The following MLLT10 variants were observed in gnomAD, a reference collection of about 807,000 sequenced individuals.
MLLT10 encodes the protein protein AF-10.
Under a neutral mutation model 129.1 loss-of-function variants are expected in MLLT10, and 30 were observed. That is an observed-to-expected ratio of 0.23 (90% CI 0.17 to 0.32). The LOEUF is 0.32. Ranked by LOEUF, MLLT10 falls within the 10% of genes least tolerant of loss-of-function variation. MLLT10 has a pLI of 1.00. For missense variants in MLLT10, 1,119 were observed against 1,268.3 expected (o/e 0.88, Z 1.79); for synonymous variants, 490 against 446.4 (o/e 1.10, Z -1.23).
At chr10:21,666,787 G>A (rs1157056674) in intron 9 of MLLT10, among the ~76,000 whole-genome samples, 1 of 152,006 alleles carries the variant, frequency 6.6e-6, no homozygotes, top group Non-Finnish European at 1.5e-5. Flanking sequence ...TCAGTCAACT[G>A]CGGTCTGAAA....
rs748186874 is a variant in MLLT10 at position 21,673,390 on chromosome 10, T to C, written c.1092T>C (p.Ser364=). 2 of 1,532,444 alleles carry C rather than the reference T, an allele frequency of 1.3e-6. No individual in the cohort carries two copies. The highest frequency in any genetic ancestry group is 1.8e-6 in the Non-Finnish European group (2 of 1,136,624). The allele number at this position is 1,532,444 out of a possible 1,614,324, so 94.9% of individuals were successfully genotyped here. A position where few individuals can be genotyped will look rare whatever the true frequency, so the allele number is the denominator to read the frequency against. Residue 364 remains serine, a synonymous_variant, in exon 11 of 23, where the codon TCT becomes TCC. Transcript: ENST00000307729. ...CTCCAGGCAGTGTAAAGTCATCTTC[T>C]GGAAGTTCAGTGCAGTCTCCCCAGG... The part of the protein sequence containing the change: ...SGTPGSVKSS[S]GSSVQSPQDF...
In MLLT10 at chr10:21,734,070, C is replaced by T. The variant is rs2058157050; in HGVS notation, c.2799C>T (p.Leu933=). ...CAATGTCCCAGAACCCTACCCCTCT[C>T]ACCCACACAACCGTACCACCTAATG... ...PVTMSQNPTP[L]THTTVPPNAT... is the part of the protein sequence containing the mutation. Residue 933 remains leucine (L), a synonymous_variant, in exon 20 of 23, where the codon CTC becomes CTT. Coordinates refer to ENST00000307729, the MANE Select transcript of MLLT10 (RefSeq NM_001195626.3). 6.2e-7 allele frequency: 1 copy of T among 1,613,964 alleles called. No homozygotes were observed. Among genetic ancestry groups the T allele is most frequent in the Non-Finnish European group, 8.5e-7 (1 of 1,179,974 alleles).
At position 21,732,984 on chromosome 10, in the gene MLLT10, G is replaced by C; in HGVS notation, c.2304G>C (p.Lys768Asn). The change falls in exon 18 of 23, where the codon AAG becomes AAC. Residue 768 changes from lysine to asparagine, a missense_variant. Around this residue, in one of 5 missense-constraint regions of MLLT10, gnomAD observed 1,004 missense variants for 1,008.7 expected, o/e 1.00. Coordinates refer to ENST00000307729, the MANE Select transcript of MLLT10 (RefSeq NM_001195626.3). The stretch of plus-strand genomic sequence containing the variant: ...AAATTAAAAACTTGACTGCCAAAAA[G>C]GAACGGCTTCAGTTATTGAATGCAC... ...EEQIKNLTAK[K>N]ERLQLLNAQL... The C allele has an allele frequency of 6.2e-7, 1 of 1,613,996 alleles. No homozygotes were observed. Among genetic ancestry groups the C allele is most frequent in the Non-Finnish European group, 8.5e-7 (1 of 1,179,974 alleles).
At chr10:21,667,660 C>T (rs182515407) in intron 9 of MLLT10, among the ~76,000 whole-genome samples, 27 of 152,044 alleles carry the variant, frequency 1.8e-4, no homozygotes, top group Admixed American at 1.6e-3. Context: ...AATATTTTAA[C>T]CAGCACATTA....
chr10:21,735,262 T>C (rs371511523), intron 21 of MLLT10, 27 bp downstream of exon 21: 4 of 1,501,672 alleles, frequency 2.7e-6, no homozygotes, highest in African/African-American at 2.8e-5. Context: ...GATAATATCT[T>C]ATTAGGAGCA....
At chr10:21,650,944 A>G (rs2048959084) in intron 8 of MLLT10, among the ~76,000 whole-genome samples, 1 of 152,136 alleles carries the variant, frequency 6.6e-6, no homozygotes, top group Non-Finnish European at 1.5e-5. Context: ...ATTCTCATGC[A>G]TGGTAGAGGA....
At chr10:21,670,283 G>T (rs1165380812) in intron 9 of MLLT10, among the ~76,000 whole-genome samples, 166 bp from the exon 10 acceptor site, 1 of 151,724 alleles carries the variant, frequency 6.6e-6, no homozygotes, top group East Asian at 1.9e-4. Context: ...AATTATAATA[G>T]ACTTAAATTG....
Position 21,600,908 on chromosome 10 carries a change from A to G in MLLT10, c.405+5468A>G, listed in dbSNP as rs568225171. 1.2e-3 allele frequency among the ~76,000 whole-genome samples: 178 copies of G among 151,988 alleles called. 1 individual carries two copies. Among genetic ancestry groups the G allele is most frequent in the Non-Finnish European group, 2.1e-3 (140 of 67,966 alleles). On this transcript the variant is annotated intron_variant, in intron 5 of 22. Coordinates refer to ENST00000307729, the MANE Select transcript of MLLT10 (RefSeq NM_001195626.3). ...TCTCAGGAATAGTAAACTATTATTC[A>G]TTATATTTGTTTCTTGTGGTCTCTC...
chr10:21,720,094 T>A (rs1336241615), intron 14 of MLLT10, among the ~76,000 whole-genome samples: 1 of 152,232 alleles, frequency 6.6e-6, no homozygotes, highest in African/African-American at 2.4e-5. Flanking sequence ...ATTTGTTGGT[T>A]AATCTATACA....
Position 21,713,871 on chromosome 10 carries a change from C to A in MLLT10, c.1799C>A (p.Ser600Tyr). 1 of 1,614,078 alleles carries A rather than the reference C, an allele frequency of 6.2e-7. No individual in the cohort carries two copies. Among genetic ancestry groups the A allele is most frequent in the Non-Finnish European group, 8.5e-7 (1 of 1,179,990 alleles). Residue 600 changes from serine to tyrosine, a missense_variant, in exon 14 of 23, where the codon TCT becomes TAT. By Grantham distance (144) the Ser-to-Tyr change is moderately radical. This residue lies in a region of MLLT10 where 1,004 missense variants were observed against 1,008.7 expected (regional missense o/e 1.00). Coordinates refer to ENST00000307729, the MANE Select transcript of MLLT10 (RefSeq NM_001195626.3). Reference protein sequence around the residue: ...PVSSSHLPQQSSGHLQQVGAL... With the variant: ...PVSSSHLPQQYSGHLQQVGAL... ...TCCAGCTCTCACTTACCTCAGCAGT[C>A]TTCTGGGCATTTGCAACAAGTAGGA...
At chr10:21,629,405 T>C (rs2046793187) in intron 8 of MLLT10, among the ~76,000 whole-genome samples, 1 of 152,176 alleles carries the variant, frequency 6.6e-6, no homozygotes, top group African/African-American at 2.4e-5. Flanking sequence ...TTACTCTCTA[T>C]TGGATGCATA....
intron 3 of MLLT10, among the ~76,000 whole-genome samples, chr10:21,586,090 A>G (rs190866306): frequency 2.0e-5 from 3 of 152,306 alleles, no homozygotes; most frequent in Non-Finnish European, 2.9e-5. Flanking sequence ...GTTAAAATGT[A>G]CTTTAAAAAA....
At chr10:21,639,248 T>C (rs185491632) in intron 8 of MLLT10, among the ~76,000 whole-genome samples, 1 of 152,338 alleles carries the variant, frequency 6.6e-6, no homozygotes, top group East Asian at 1.9e-4. Flanking sequence ...CCAAGCAAGC[T>C]GTCAGTTTTG....
At chr10:21,693,563 A>G (rs556296126) in intron 13 of MLLT10, among the ~76,000 whole-genome samples, 1 of 152,206 alleles carries the variant, frequency 6.6e-6, no homozygotes, top group East Asian at 1.9e-4. Flanking sequence ...ACACTCGTTT[A>G]AGATCATTTG....
chr10:21,718,045 A>G (rs1418295868), intron 14 of MLLT10, among the ~76,000 whole-genome samples: 2 of 151,856 alleles, frequency 1.3e-5, no homozygotes, highest in Non-Finnish European at 1.5e-5. Flanking sequence ...GAGTTTCACC[A>G]TGTTGGTCAG....
intron 8 of MLLT10, among the ~76,000 whole-genome samples, chr10:21,621,977 A>G (rs1395903588): frequency 6.6e-6 from 1 of 152,190 alleles, no homozygotes; most frequent in African/African-American, 2.4e-5. Context: ...ATATGGTTTT[A>G]GGAAAAATTT....
At chr10:21,607,151 C>T (rs2044139654) in intron 5 of MLLT10, among the ~76,000 whole-genome samples, 1 of 152,122 alleles carries the variant, frequency 6.6e-6, no homozygotes, top group South Asian at 2.1e-4. Flanking sequence ...GCCATCAACA[C>T]TGAGGCAGGA....
chr10:21,717,303 G>A (rs1243786496), intron 14 of MLLT10, among the ~76,000 whole-genome samples: 28 of 142,708 alleles, frequency 2.0e-4, no homozygotes, highest in African/African-American at 6.7e-4. Context: ...TGGTCAAGGA[G>A]ATAAGATTGG....
rs931592199 is a variant in MLLT10 at position 21,534,516 on chromosome 10, C to G, written c.-5C>G. ...GAACGTGAGTGACTGAGCGGCAAAG[C>G]CCGAGTGAGCGAGCGGTGGGCTGCC... On this transcript the variant is annotated 5_prime_UTR_variant, in exon 1 of 23. Coordinates refer to ENST00000307729, the MANE Select transcript of MLLT10 (RefSeq NM_001195626.3). 2 of 1,021,116 alleles carry G rather than the reference C, an allele frequency of 2.0e-6. No homozygotes were observed. Among genetic ancestry groups the G allele is most frequent in the Admixed American group, 2.5e-5 (1 of 39,500 alleles). 63.3% of individuals were successfully genotyped at this position (1,021,116 alleles called of 1,614,324 possible).
Sources: gnomAD v4.1 joint callset for allele counts (sites outside exome capture counted in the v4.1 genomes callset) on GRCh38, gnomAD v4.1.1 for gene constraint, gnomAD v4.1.1 regional missense constraint, MANE v1.5 for transcripts, NCBI Gene and HGNC (gene_info 2026-07-23, HGNC 2026-07-21) for gene names.